TAMM41: variants seen among roughly 807,000 people sequenced by gnomAD.
TAMM41 encodes TAM41 mitochondrial translocator assembly and maintenance homolog.
In TAMM41, 36 loss-of-function variants were observed where a neutral mutation model predicts 44.1. The ratio of observed to expected loss-of-function variants is 0.82; its 90% CI spans 0.63 to 1.08. The LOEUF (loss-of-function observed/expected upper bound fraction) is 1.08, where lower values mean the gene tolerates loss of function less well. TAMM41 is among the 50% of genes least tolerant of loss of function. The pLI is 0.00. For missense variants in TAMM41, 417 were observed against 404.3 expected (o/e 1.03, Z -0.27); for synonymous variants, 164 against 153.1 (o/e 1.07, Z -0.53).
the TAMM41 span, among the ~76,000 whole-genome samples, chr3:11,734,047 T>G: frequency 6.6e-6 from 1 of 152,040 alleles, no homozygotes; most frequent in Non-Finnish European, 1.5e-5. Context: ...ATTCCATTGG[T>G]GAGAACCAGT....
chr3:11,754,498 C>T, the TAMM41 span, among the ~76,000 whole-genome samples: 4 of 152,060 alleles, frequency 2.6e-5, no homozygotes, highest in East Asian at 1.9e-4. Flanking sequence ...CTCAGCCTCT[C>T]GAGTAGCTGG....
intron 7 of TAMM41, among the ~76,000 whole-genome samples, chr3:11,806,969 A>G (rs894293425): frequency 6.6e-6 from 1 of 152,272 alleles, no homozygotes; most frequent in Non-Finnish European, 1.5e-5. Context: ...ATTTCTAATC[A>G]ATACCCAGCC....
chr3:11,813,800 A>C (rs1164688837), intron 5 of TAMM41, among the ~76,000 whole-genome samples: 1 of 149,966 alleles, frequency 6.7e-6, no homozygotes, highest in Non-Finnish European at 1.5e-5. Flanking sequence ...AAAAAATTTA[A>C]TGTCTCAGAT....
the TAMM41 span, among the ~76,000 whole-genome samples, chr3:11,767,371 G>C: frequency 6.6e-6 from 1 of 151,832 alleles, no homozygotes; most frequent in Admixed American, 6.6e-5. Context: ...GTCCAGCCAG[G>C]GTACTTATCT....
At chr3:11,765,517 C>T in the TAMM41 span, among the ~76,000 whole-genome samples, 1 of 152,148 alleles carries the variant, frequency 6.6e-6, no homozygotes, top group South Asian at 2.1e-4. Context: ...GATTCAACAC[C>T]AGGTCATTTC....
chr3:11,789,670 C>T (rs553749853), downstream of TAMM41, among the ~76,000 whole-genome samples: 8 of 152,154 alleles, frequency 5.3e-5, no homozygotes, highest in South Asian at 6.2e-4. Flanking sequence ...AATCAGCATC[C>T]GTGAAACCAG....
At chr3:11,782,202 TG>T in the TAMM41 span, among the ~76,000 whole-genome samples, 2 of 152,196 alleles carry the variant, frequency 1.3e-5, no homozygotes, top group East Asian at 3.8e-4. Flanking sequence ...AATCCCACTA[TG>T]GGGCTAAATT....
chr3:11,722,381 G>A, the TAMM41 span, among the ~76,000 whole-genome samples: 1 of 152,050 alleles, frequency 6.6e-6, no homozygotes, highest in Non-Finnish European at 1.5e-5. Context: ...GAAAAAGGGG[G>A]GTTGTTGTAA....
chr3:11,725,409 T>G, the TAMM41 span, among the ~76,000 whole-genome samples: 1 of 136,036 alleles, frequency 7.4e-6, no homozygotes, highest in Non-Finnish European at 1.6e-5. Flanking sequence ...CTTCCTCTTC[T>G]TCTTCTTCTT....
chr3:11,807,545 G>T, intron 7 of TAMM41: 2 of 1,536,048 alleles, frequency 1.3e-6, no homozygotes, highest in Non-Finnish European at 1.7e-6. Context: ...CTGTAACTTT[G>T]ATAAATAAAA....
chr3:11,740,523 G>A, the TAMM41 span, among the ~76,000 whole-genome samples: 1 of 152,078 alleles, frequency 6.6e-6, no homozygotes, highest in Non-Finnish European at 1.5e-5. Flanking sequence ...GCATATTTGT[G>A]CATGTGTGTG....
At chr3:11,746,648 A>T in the TAMM41 span, among the ~76,000 whole-genome samples, 101,077 of 137,990 alleles carry the variant, frequency 0.73, 34,663 homozygotes, top group Non-Finnish European at 0.78. Flanking sequence ...ATTATTAATT[A>T]ATTTATTTAT....
the TAMM41 span, among the ~76,000 whole-genome samples, chr3:11,780,208 A>T: frequency 2.0e-5 from 3 of 152,348 alleles, no homozygotes; most frequent in South Asian, 6.2e-4. Flanking sequence ...CAAGAATTTT[A>T]AGACCTTTCA....
chr3:11,776,730 C>T, the TAMM41 span, among the ~76,000 whole-genome samples: 2 of 152,212 alleles, frequency 1.3e-5, no homozygotes, highest in Admixed American at 6.5e-5. Flanking sequence ...GACAGACCAT[C>T]CAGGACTTAA....
At chr3:11,819,693 G>C (rs140448788) in intron 4 of TAMM41, among the ~76,000 whole-genome samples, 1 of 151,852 alleles carries the variant, frequency 6.6e-6, no homozygotes, top group Non-Finnish European at 1.5e-5. Flanking sequence ...TCAGGAGTTC[G>C]AGACCAGCCT....
At chr3:11,732,428 G>A in the TAMM41 span, among the ~76,000 whole-genome samples, 86 of 152,230 alleles carry the variant, frequency 5.6e-4, no homozygotes, top group African/African-American at 2.1e-3. Context: ...GACAAGCAAG[G>A]TTTCACTCTC....
intron 6 of TAMM41, chr3:11,808,099 C>CGG: frequency 8.9e-7 from 1 of 1,123,858 alleles, no homozygotes; most frequent in Non-Finnish European, 1.2e-6. Flanking sequence ...CGTGGCGCCA[C>CGG]CCGGCTGTGT....
At chr3:11,825,698 C>T (rs566035367) in intron 4 of TAMM41, among the ~76,000 whole-genome samples, 7 of 152,112 alleles carry the variant, frequency 4.6e-5, no homozygotes, top group African/African-American at 4.8e-5. Context: ...GGAGAGTGCC[C>T]GAAAGTGTTT....
At chr3:11,815,237 A>C (rs992519545) in intron 5 of TAMM41, among the ~76,000 whole-genome samples, 1 of 152,168 alleles carries the variant, frequency 6.6e-6, no homozygotes, top group Non-Finnish European at 1.5e-5. Flanking sequence ...CACAAAACCA[A>C]AAACTAGCAC....
Sources: allele counts gnomAD v4.1 joint callset (sites outside exome capture counted in the v4.1 genomes callset), GRCh38; gene constraint gnomAD v4.1.1; transcripts MANE v1.5; gene names NCBI Gene and HGNC (gene_info 2026-07-23, HGNC 2026-07-21).